BNC2: variants seen among roughly 807,000 people sequenced by gnomAD.
The protein encoded by BNC2 is basonuclin zinc finger protein 2, also known as zinc finger protein basonuclin-2.
In BNC2, 20 loss-of-function variants were observed where a neutral mutation model predicts 76.3. That is an observed-to-expected ratio of 0.26 (90% CI 0.18 to 0.38). The LOEUF is 0.38. Among genes scored for constraint, BNC2 ranks in the 10% least tolerant of loss-of-function variants. The pLI is 1.00. For missense variants in BNC2, 1,382 were observed against 1,399.8 expected (o/e 0.99, Z 0.20); for synonymous variants, 582 against 514.8 (o/e 1.13, Z -1.77).
chr9:16,467,340 C>T (rs965367330), intron 5 of BNC2, among the ~76,000 whole-genome samples: 1 of 147,588 alleles, frequency 6.8e-6, no homozygotes, highest in African/African-American at 2.6e-5. Context: ...GGGTATATAC[C>T]CAAAGGACTA....
intron 1 of BNC2, among the ~76,000 whole-genome samples, chr9:16,851,995 C>G (rs1326830550): frequency 6.6e-6 from 1 of 152,114 alleles, no homozygotes; most frequent in African/African-American, 2.4e-5. Flanking sequence ...TATAATATTT[C>G]ACTTTCAACT....
At chr9:16,798,544 C>T (rs944579985) in intron 1 of BNC2, among the ~76,000 whole-genome samples, 1 of 152,154 alleles carries the variant, frequency 6.6e-6, no homozygotes, top group Admixed American at 6.5e-5. Context: ...TGACTCCAAA[C>T]ACTAGACTTC....
chr9:16,495,252 A>G (rs924038831), intron 5 of BNC2, among the ~76,000 whole-genome samples: 1 of 152,204 alleles, frequency 6.6e-6, no homozygotes, highest in African/African-American at 2.4e-5. Flanking sequence ...CTAACATGAG[A>G]GAGGGTAGCA....
intron 5 of BNC2, among the ~76,000 whole-genome samples, chr9:16,457,405 C>T (rs1470102297): frequency 6.6e-6 from 1 of 152,146 alleles, no homozygotes; most frequent in Non-Finnish European, 1.5e-5. Flanking sequence ...GTCATACGCA[C>T]ACCTAAGACT....
chr9:16,834,419 T>C (rs1818654756), intron 1 of BNC2, among the ~76,000 whole-genome samples: 1 of 152,190 alleles, frequency 6.6e-6, no homozygotes. Flanking sequence ...TTGGTAGCAA[T>C]GACAGACAGT....
At chr9:16,479,835 G>A (rs910392726) in intron 5 of BNC2, among the ~76,000 whole-genome samples, 1 of 152,008 alleles carries the variant, frequency 6.6e-6, no homozygotes, top group Non-Finnish European at 1.5e-5. Context: ...TTAATAGCTC[G>A]GCACAAAGAT....
chr9:16,793,883 T>TA (rs1563946239), intron 1 of BNC2, among the ~76,000 whole-genome samples: 1 of 145,108 alleles, frequency 6.9e-6, no homozygotes, highest in Non-Finnish European at 1.5e-5. Flanking sequence ...TTTTTTTTTT[T>TA]AGTAGAGACG....
chr9:16,668,520 T>A (rs547491985), intron 3 of BNC2, among the ~76,000 whole-genome samples: 1 of 152,342 alleles, frequency 6.6e-6, no homozygotes, highest in East Asian at 1.9e-4. Context: ...AACGTCAGGA[T>A]GTACTTTAAA....
chr9:16,461,900 A>G (rs1821591073), intron 5 of BNC2, among the ~76,000 whole-genome samples: 1 of 152,208 alleles, frequency 6.6e-6, no homozygotes, highest in African/African-American at 2.4e-5. Flanking sequence ...CAGTTCACAA[A>G]TGCTGGTAGT....
At chr9:16,464,650 G>C (rs567943440) in intron 5 of BNC2, among the ~76,000 whole-genome samples, 2 of 151,852 alleles carry the variant, frequency 1.3e-5, no homozygotes, top group Admixed American at 6.6e-5. Flanking sequence ...TTTTTGTCTC[G>C]GGTTCAAGCA....
At chr9:16,677,898 A>G (rs1041075822) in intron 3 of BNC2, among the ~76,000 whole-genome samples, 1 of 152,222 alleles carries the variant, frequency 6.6e-6, no homozygotes, top group African/African-American at 2.4e-5. Flanking sequence ...TTATGTAAAA[A>G]TGTAACCTAA....
At chr9:16,607,645 G>A (rs1235236646) in intron 3 of BNC2, among the ~76,000 whole-genome samples, 1 of 152,120 alleles carries the variant, frequency 6.6e-6, no homozygotes, top group Non-Finnish European at 1.5e-5. Flanking sequence ...ACATAGCATA[G>A]TGTGCTAATG....
intron 5 of BNC2, among the ~76,000 whole-genome samples, chr9:16,453,774 G>C (rs535935536): frequency 1.4e-4 from 21 of 152,294 alleles, no homozygotes; most frequent in African/African-American, 4.8e-4. Flanking sequence ...CTGAGATCAT[G>C]CCACTTTCCC....
intron 3 of BNC2, among the ~76,000 whole-genome samples, chr9:16,649,991 G>A (rs1245296712): frequency 6.6e-6 from 1 of 152,166 alleles, no homozygotes; most frequent in African/African-American, 2.4e-5. Flanking sequence ...CCAAAATGGA[G>A]ACACCGAAGA....
chr9:16,768,772 T>A (rs1253237511), intron 1 of BNC2, among the ~76,000 whole-genome samples: 1 of 152,148 alleles, frequency 6.6e-6, no homozygotes, highest in Non-Finnish European at 1.5e-5. Flanking sequence ...AAAATTAGGA[T>A]AAGTGCTTAA....
At chr9:16,560,241 T>C (rs1446988694) in intron 4 of BNC2, among the ~76,000 whole-genome samples, 1 of 152,192 alleles carries the variant, frequency 6.6e-6, no homozygotes, top group Non-Finnish European at 1.5e-5. Context: ...TTAATGGGTA[T>C]GTGTTAGGGA....
chr9:16,547,220 C>T (rs987045629), intron 5 of BNC2, among the ~76,000 whole-genome samples: 2 of 152,200 alleles, frequency 1.3e-5, no homozygotes, highest in Non-Finnish European at 2.9e-5. Context: ...TGTTTTCTAC[C>T]ACATGGATAC....
chr9:16,447,101 T>A (rs1196531477), intron 5 of BNC2, among the ~76,000 whole-genome samples: 1 of 152,170 alleles, frequency 6.6e-6, no homozygotes, highest in South Asian at 2.1e-4. Flanking sequence ...AGACACATTT[T>A]AATATTTAAT....
chr9:16,796,361 A>T (rs943818360), intron 1 of BNC2, among the ~76,000 whole-genome samples: 2 of 152,246 alleles, frequency 1.3e-5, no homozygotes, highest in African/African-American at 4.8e-5. Flanking sequence ...TCTAACTTAA[A>T]GCCCTGTGCT....
Sources: allele counts gnomAD v4.1 joint callset (sites outside exome capture counted in the v4.1 genomes callset), GRCh38; gene constraint gnomAD v4.1.1; transcripts MANE v1.5; gene names NCBI Gene and HGNC (gene_info 2026-07-23, HGNC 2026-07-21).